Variants in DHRSX observed in about 807,000 individuals in gnomAD.
DHRSX encodes polyprenol dehydrogenase.
In DHRSX, 31 loss-of-function variants were observed where a neutral mutation model predicts 34.0. That is an observed-to-expected ratio of 0.91 (90% CI 0.69 to 1.23). The LOEUF is 1.23. DHRSX is among the 50% of genes most tolerant of loss of function. The pLI is 0.00. For missense variants in DHRSX, 414 were observed against 428.1 expected (o/e 0.97, Z 0.29); for synonymous variants, 201 against 183.8 (o/e 1.09, Z -0.76).
At chrX:2,490,291 G>A (rs748804214) in intron 1 of DHRSX, 82 of 1,613,490 alleles carry the variant, frequency 5.1e-5, no homozygotes, top group Non-Finnish European at 6.4e-5. Flanking sequence ...GCTCGTCCAC[G>A]ATGGAGGCTG....
intron 4 of DHRSX, among the ~76,000 whole-genome samples, chrX:2,282,816 G>GAGGGAGAGAGAGGGAGAA (rs1569483524): frequency 1.4e-5 from 1 of 72,594 alleles, no homozygotes; most frequent in Non-Finnish European, 3.5e-5. Context: ...GAGAGAAAGA[G>GAGGGAGAGAGAGGGAGAA]AGAGAGGGAG....
chrX:2,475,022 G>A (rs1197787431), intron 1 of DHRSX, among the ~76,000 whole-genome samples: 6 of 151,708 alleles, frequency 4.0e-5, no homozygotes, highest in Non-Finnish European at 5.9e-5. Flanking sequence ...TGCAGCCAAA[G>A]AACTGCCACC....
chrX:2,256,024 T>TTC (rs2041272599), intron 5 of DHRSX, among the ~76,000 whole-genome samples: 1 of 151,152 alleles, frequency 6.6e-6, no homozygotes, highest in African/African-American at 2.4e-5. Flanking sequence ...TCTTTTTTTT[T>TTC]TTTTTTTCTC....
At chrX:2,314,340 GA>G (rs1236254146) in intron 3 of DHRSX, among the ~76,000 whole-genome samples, 6 of 21,298 alleles carry the variant, frequency 2.8e-4, no homozygotes, top group South Asian at 1.4e-3. Flanking sequence ...GGGAGGGAGG[GA>G]AAGGAGGGAG....
intron 1 of DHRSX, among the ~76,000 whole-genome samples, chrX:2,432,452 C>T (rs916428322): frequency 6.6e-6 from 1 of 151,996 alleles, no homozygotes; most frequent in Non-Finnish European, 1.5e-5. Context: ...AACACAATGG[C>T]CCTGTAGGAG....
chrX:2,366,451 A>AG (rs2042995269), intron 3 of DHRSX, among the ~76,000 whole-genome samples: 1 of 152,034 alleles, frequency 6.6e-6, no homozygotes, highest in South Asian at 2.1e-4. Context: ...AAAAAAAAAA[A>AG]GAAAAGAAAA....
At chrX:2,459,860 C>A (rs1418406532) in intron 1 of DHRSX, among the ~76,000 whole-genome samples, 23 of 152,142 alleles carry the variant, frequency 1.5e-4, no homozygotes, top group Admixed American at 7.2e-4. Context: ...GTCATCCCAG[C>A]ACTTTGGGAG....
rs764618168 is a variant in DHRSX at position 2,422,434 on chromosome X, T to C, written c.217+2763A>G. On this transcript the variant is annotated intron_variant, in intron 2 of 6. Coordinates refer to ENST00000334651, the MANE Select transcript of DHRSX (RefSeq NM_145177.3). ...TACGCCACCATGCCGAGCTACTTTT[T>C]GTATTTTTAGTAGAGACGGGGTTTC... 1.3e-4 allele frequency among the ~76,000 whole-genome samples: 19 copies of C among 151,854 alleles called. No individual in the cohort carries two copies. In the East Asian group the frequency reaches 3.1e-3, roughly 25 times the overall value.
At chrX:2,223,130 C>T (rs899272791) in intron 6 of DHRSX, among the ~76,000 whole-genome samples, 1 of 152,028 alleles carries the variant, frequency 6.6e-6, no homozygotes, top group Non-Finnish European at 1.5e-5. Context: ...GTGTCCCCAC[C>T]CAAATTTCAT....
At chrX:2,259,359 G>GAT (rs1569480926) in intron 5 of DHRSX, among the ~76,000 whole-genome samples, 3 of 110,850 alleles carry the variant, frequency 2.7e-5, no homozygotes, top group African/African-American at 8.4e-5. Flanking sequence ...TATATAGATA[G>GAT]ATATAGATAT....
chrX:2,295,872 G>A (rs1374605412), intron 3 of DHRSX, among the ~76,000 whole-genome samples: 1 of 152,114 alleles, frequency 6.6e-6, no homozygotes. Context: ...GGGCGCATAC[G>A]CACATTTATT....
chrX:2,396,378 T>TTTTC (rs1556504734), intron 3 of DHRSX, among the ~76,000 whole-genome samples: 2 of 138,294 alleles, frequency 1.4e-5, no homozygotes, highest in Non-Finnish European at 3.2e-5. Context: ...TCTTTTTCTT[T>TTTTC]TTTTTTTTTT....
chrX:2,268,731 G>A (rs1449736287), intron 4 of DHRSX, among the ~76,000 whole-genome samples: 1 of 152,212 alleles, frequency 6.6e-6, no homozygotes, highest in African/African-American at 2.4e-5. Context: ...TCTGCATACA[G>A]TGTATGTATA....
At chrX:2,471,724 C>A (rs2044596213) in intron 1 of DHRSX, among the ~76,000 whole-genome samples, 1 of 152,154 alleles carries the variant, frequency 6.6e-6, no homozygotes, top group Non-Finnish European at 1.5e-5. Flanking sequence ...AAGGTGAACA[C>A]CCCTCCAGTA....
intron 1 of DHRSX, among the ~76,000 whole-genome samples, chrX:2,450,797 A>C (rs1371303432): frequency 6.6e-6 from 1 of 151,908 alleles, no homozygotes; most frequent in African/African-American, 2.4e-5. Context: ...ATATAGTCTG[A>C]AAGTTTGTAT....
chrX:2,443,874 C>T (rs192021976), intron 1 of DHRSX, among the ~76,000 whole-genome samples: 17,357 of 152,052 alleles, frequency 0.11, 1,303 homozygotes, highest in Middle Eastern at 0.18. Context: ...GGTGTGGTGG[C>T]GGAAGCCTGT....
At chrX:2,455,143 C>A (rs1402213190) in intron 1 of DHRSX, among the ~76,000 whole-genome samples, 2 of 150,598 alleles carry the variant, frequency 1.3e-5, no homozygotes, top group East Asian at 3.9e-4. Context: ...ATGTCCTTTG[C>A]AGGAACCTGC....
At chrX:2,458,595 G>C (rs5982959) in intron 1 of DHRSX, among the ~76,000 whole-genome samples, 34,923 of 151,962 alleles carry the variant, frequency 0.23, 4,535 homozygotes, top group African/African-American at 0.32. Flanking sequence ...GACAAATATC[G>C]TATCATCTCA....
At chrX:2,490,195 CT>C in intron 1 of DHRSX, 2 of 1,614,032 alleles carry the variant, frequency 1.2e-6, no homozygotes, top group Non-Finnish European at 1.7e-6. Context: ...CCCCGTACTT[CT>C]CAGGGATGGC....
Sources: allele counts gnomAD v4.1 joint callset (sites outside exome capture counted in the v4.1 genomes callset), GRCh38; gene constraint gnomAD v4.1.1; transcripts MANE v1.5; gene names NCBI Gene and HGNC (gene_info 2026-07-23, HGNC 2026-07-21).